NEB: variants seen among roughly 807,000 people sequenced by gnomAD.
The protein encoded by NEB is nebulin, also known as nemaline myopathy type 2.
In NEB, 512 loss-of-function variants were observed where a neutral mutation model predicts 952.2. That is an observed-to-expected ratio of 0.54 (90% CI 0.50 to 0.58). NEB has a LOEUF of 0.58. Among genes scored for constraint, NEB ranks in the 20% least tolerant of loss-of-function variants. The pLI, the probability that NEB is intolerant of heterozygous loss-of-function variation, is 0.00. For missense variants in NEB, 8,428 were observed against 9,231.1 expected (o/e 0.91, Z 3.56); for synonymous variants, 2,900 against 3,149.8 (o/e 0.92, Z 2.66).
Position 151,672,650 on chromosome 2 carries a change from T to C in NEB, c.4018A>G (p.Lys1340Glu). 3 of 1,613,788 alleles carry C rather than the reference T, an allele frequency of 1.9e-6. No individual in the cohort carries two copies. Among genetic ancestry groups the C allele is most frequent in the Non-Finnish European group, 2.5e-6 (3 of 1,179,768 alleles). Residue 1340 changes from lysine (K) to glutamate (E), a missense_variant, in exon 37 of 182, where the codon AAG (lysine) becomes GAG (glutamate). Lys to Glu is a moderately conservative substitution (Grantham distance 56, BLOSUM62 1). Coordinates refer to ENST00000397345, the MANE Select transcript of NEB (RefSeq NM_001164508.2). ...CTTCTGAAACCCACATGCTTTCCCT[T>C]TGACTTCTCATAAGCTTCCTTGTAT... ...YKYKEAYEKSKGKHVGFRSLQ... is the reference protein window; with the variant it reads ...YKYKEAYEKSEGKHVGFRSLQ...
At chr2:151,696,859 T>C in intron 16 of NEB, 124 bp from the exon 17 acceptor site, 1 of 709,928 alleles carries the variant, frequency 1.4e-6, no homozygotes, top group South Asian at 2.0e-5. Context: ...ATAAAATATA[T>C]TTTTTTCTAA....
Position 151,708,940 on chromosome 2 carries a change from C to T in NEB, c.1035+716G>A, listed in dbSNP as rs140631079. On this transcript the variant is annotated intron_variant, in intron 12 of 181. Coordinates refer to ENST00000397345, the MANE Select transcript of NEB (RefSeq NM_001164508.2). ...CTGCTACCCTCCTGGTCCAAAACACCGTCTTACACGTGGATGCTGTAATAG... is the reference window on the plus strand; with the variant it reads ...CTGCTACCCTCCTGGTCCAAAACACTGTCTTACACGTGGATGCTGTAATAG... Among the ~76,000 whole-genome samples, 9 of 152,312 alleles carry T rather than the reference C, an allele frequency of 5.9e-5. No homozygotes were observed. The South Asian group carries it at 1.0e-3, about 18-fold the overall frequency.
chr2:151,664,825 G>A lies in NEB; in HGVS notation c.5277C>T (p.Thr1759=). 12 of 1,612,998 alleles carry A rather than the reference G, an allele frequency of 7.4e-6. No individual in the cohort carries two copies. Among genetic ancestry groups the A allele is most frequent in the Non-Finnish European group, 1.0e-5 (12 of 1,179,388 alleles). Residue 1759 remains threonine, a synonymous_variant, in exon 43 of 182, where the codon ACC becomes ACT. Coordinates refer to ENST00000397345, the MANE Select transcript of NEB (RefSeq NM_001164508.2). Reference sequence around the variant, plus strand: ...CCGGTGTGTCAGGCATGACATGAATGGTGGTCTTGTCCTTGTTCCATTTTT... The same window carrying A: ...CCGGTGTGTCAGGCATGACATGAATAGTGGTCTTGTCCTTGTTCCATTTTT... ...YTEKWNKDKT[T]IHVMPDTPDI...
intron 107 of NEB, among the ~76,000 whole-genome samples, chr2:151,574,409 C>G (rs536449918): frequency 2.6e-5 from 4 of 152,316 alleles, no homozygotes; most frequent in African/African-American, 9.6e-5. Context: ...GAAGTTTGGT[C>G]ACTGAGGATG....
chr2:151,628,019 G>A (rs1224063637), intron 68 of NEB, among the ~76,000 whole-genome samples, 185 bp from the exon 69 acceptor site: 1 of 152,116 alleles, frequency 6.6e-6, no homozygotes, highest in Admixed American at 6.5e-5. Flanking sequence ...ATGGGCAGTA[G>A]TCTAATGCGA....
chr2:151,547,674 T>C lies in NEB; in HGVS notation c.20222A>G (p.Glu6741Gly). The change falls in exon 132 of 182, where the codon GAG becomes GGG. Residue 6741 changes from glutamate to glycine, a missense_variant. By Grantham distance (98) the Glu-to-Gly change is moderately conservative (BLOSUM62 -2). Coordinates refer to ENST00000397345, the MANE Select transcript of NEB (RefSeq NM_001164508.2). ...DKIHTTPDTP[E>G]IRQVKKTQEA... The stretch of plus-strand genomic sequence containing the variant: ...TTGTGTCTTCTTGACTTGGCGGATC[T>C]CAGGGGTATCGGGAGTTGTATGGAT... 6.2e-7 allele frequency: 1 copy of C among 1,613,846 alleles called. No individual in the cohort carries two copies. Among genetic ancestry groups the C allele is most frequent in the Non-Finnish European group, 8.5e-7 (1 of 1,179,834 alleles).
chr2:151,729,492 G>A, intron 4 of NEB, 123 bp downstream of exon 4: 1 of 1,073,876 alleles, frequency 9.3e-7, no homozygotes, highest in Non-Finnish European at 1.4e-6. Flanking sequence ...GCACAGGTAG[G>A]TGAGTGATCC....
At chr2:151,536,540 T>A (rs6704618) in intron 141 of NEB, among the ~76,000 whole-genome samples, 89,455 of 151,998 alleles carry the variant, frequency 0.59, 27,118 homozygotes, top group Admixed American at 0.7. Flanking sequence ...GCATGCCACC[T>A]GTTTTTAAAC....
Position 151,503,380 on chromosome 2 carries a change from C to CT in NEB, c.23803dup (p.Arg7935LysfsTer10). ...AAAGTTCTCTTGATTGCGTTTGACT[C>CT]TCTCAATCTCTGGAGTCACAGTGGT... On this transcript the variant is annotated frameshift_variant, in exon 166 of 182. Coordinates refer to ENST00000397345, the MANE Select transcript of NEB (RefSeq NM_001164508.2). LOFTEE classifies it high-confidence loss of function. 6.2e-7 allele frequency: 1 copy of CT among 1,612,632 alleles called. No individual in the cohort carries two copies. The highest frequency in any genetic ancestry group is 8.5e-7 in the Non-Finnish European group (1 of 1,178,896).
intron 73 of NEB, among the ~76,000 whole-genome samples, chr2:151,618,685 G>T (rs1041247407): frequency 1.3e-5 from 2 of 152,066 alleles, no homozygotes; most frequent in African/African-American, 4.8e-5. Context: ...CAGCAAGAAT[G>T]ATAAAAGATC....
At chr2:151,667,388 A>G (rs76129073) in intron 40 of NEB, among the ~76,000 whole-genome samples, 1,771 of 152,270 alleles carry the variant, frequency 0.012, 37 homozygotes, top group African/African-American at 0.041. Context: ...TAACAACTTT[A>G]TTAAGCTTTT....
intron 157 of NEB, among the ~76,000 whole-genome samples, chr2:151,516,103 TAAGAG>T (rs2077568586): frequency 6.6e-6 from 1 of 152,222 alleles, no homozygotes; most frequent in South Asian, 2.1e-4. Context: ...GGCATTCTAC[TAAGAG>T]TAGAGCATTT....
At position 151,625,578 on chromosome 2, in the gene NEB, G is replaced by C; in HGVS notation, c.10408C>G (p.Pro3470Ala). The C allele has an allele frequency of 1.2e-6, 2 of 1,605,908 alleles. No homozygotes were observed. The highest frequency in any genetic ancestry group is 1.7e-6 in the Non-Finnish European group (2 of 1,174,464). ...KTQVHIMPDT[P>A]EIMLARQNKI... ...TTTTGTCTTGCCAACATGATTTCAG[G>C]TGTATCAGGCATAATATGGACTTGG... The change falls in exon 71 of 182, where the codon CCT (proline) becomes GCT (alanine). Residue 3470 changes from proline to alanine, a missense_variant. Pro to Ala is a conservative substitution (Grantham distance 27). Coordinates refer to ENST00000397345, the MANE Select transcript of NEB (RefSeq NM_001164508.2).
intron 165 of NEB, among the ~76,000 whole-genome samples, chr2:151,504,919 A>G (rs539701779): frequency 5.3e-4 from 81 of 152,192 alleles, no homozygotes; most frequent in African/African-American, 1.9e-3. Context: ...AGCCTGTACC[A>G]CTGCATTTAC....
intron 179 of NEB, 51 bp downstream of exon 179, chr2:151,491,632 A>C: frequency 1.4e-6 from 2 of 1,388,220 alleles, no homozygotes; most frequent in Admixed American, 2.0e-5. Context: ...CATTGACTCT[A>C]GCATACTAAA....
At position 151,669,098 on chromosome 2, in the gene NEB, G is replaced by A. The variant is rs2099254858; in HGVS notation, c.4540C>T (p.His1514Tyr). The A allele has an allele frequency of 1.9e-6, 3 of 1,589,736 alleles. No homozygotes were observed. Among genetic ancestry groups the A allele is most frequent in the African/African-American group, 1.3e-5 (1 of 74,576 alleles). Reference sequence around the variant, plus strand: ...AATTCAGGGTCAATAGTATACTTGTGCTTCAGTTTCTCTCCCTCTACCTTG... The same window carrying A: ...AATTCAGGGTCAATAGTATACTTGTACTTCAGTTTCTCTCCCTCTACCTTG... Reference protein sequence around the residue: ...NYKVEGEKLKHKYTIDPELPQ... With the variant: ...NYKVEGEKLKYKYTIDPELPQ... Residue 1514 changes from histidine (H) to tyrosine (Y), a missense_variant, in exon 39 of 182, where the codon CAC becomes TAC. His to Tyr is a moderately conservative substitution (Grantham distance 83). Transcript: ENST00000397345.
chr2:151,577,553 G>A (rs189026131), intron 105 of NEB, among the ~76,000 whole-genome samples: 22 of 152,276 alleles, frequency 1.4e-4, no homozygotes, highest in East Asian at 1.9e-4. Flanking sequence ...GGTTATCAAT[G>A]TGAACTCCCT....
At chr2:151,486,170 C>T in intron 181 of NEB, 1 of 451,116 alleles carries the variant, frequency 2.2e-6, no homozygotes, top group South Asian at 3.8e-5. Context: ...CAATGCCTTC[C>T]CCCACCAAAA....
rs776806977 is a variant in NEB, at chr2:151,538,198, G to A, written c.20939C>T (p.Thr6980Met). 22 of 1,613,028 alleles carry A rather than the reference G, an allele frequency of 1.4e-5. No individual in the cohort carries two copies. The highest frequency in any genetic ancestry group is 4.5e-5 in the East Asian group (2 of 44,874). Residue 6980 changes from threonine (T) to methionine (M), a missense_variant, in exon 139 of 182, where the codon ACG becomes ATG. By Grantham distance (81) the Thr-to-Met change is moderately conservative. Transcript: ENST00000397345. ...GACAATGTCTAGGGCATCTTTCACCGTGTGGTATTTCCCTTTGGTCTTTTG... is the reference window on the plus strand; with the variant it reads ...GACAATGTCTAGGGCATCTTTCACCATGTGGTATTTCCCTTTGGTCTTTTG... ...TFQKTKGKYH[T>M]VKDALDIVYH...
Sources: allele counts gnomAD v4.1 joint callset (sites outside exome capture counted in the v4.1 genomes callset), GRCh38; gene constraint gnomAD v4.1.1; transcripts MANE v1.5; gene names NCBI Gene and HGNC (gene_info 2026-07-23, HGNC 2026-07-21).